Variants in SLC28A1 observed in about 807,000 individuals in gnomAD.
SLC28A1 encodes sodium/nucleoside cotransporter 1.
Under a neutral mutation model 74.8 loss-of-function variants are expected in SLC28A1, and 64 were observed. The observed-to-expected ratio is 0.86, with a 90% CI of 0.70 to 1.05. The LOEUF (loss-of-function observed/expected upper bound fraction) is 1.05, where lower values mean the gene tolerates loss of function less well. Among genes scored for constraint, SLC28A1 ranks in the 50% least tolerant of loss-of-function variants. SLC28A1 has a pLI of 0.00. For missense variants in SLC28A1, 828 were observed against 822.8 expected (o/e 1.01, Z -0.08); for synonymous variants, 359 against 335.0 (o/e 1.07, Z -0.78).
the SLC28A1 span, chr15:84,961,474 T>C: frequency 2.2e-6 from 1 of 453,388 alleles, no homozygotes; most frequent in South Asian, 1.6e-5. Context: ...TGGGACTACA[T>C]GTATGTGCCG....
At chr15:84,895,895 G>A in intron 6 of SLC28A1, 6 of 1,009,836 alleles carry the variant, frequency 5.9e-6, no homozygotes, top group Non-Finnish European at 7.1e-6. Context: ...GTACAGGGGT[G>A]CCTCTCACTT....
In SLC28A1 at chr15:84,904,254, G is replaced by A; in HGVS notation, c.603+16G>A. ...TCATTGCGCAGTGAGTGCTAGTTGT[G>A]GGGCCCAGGGCTGGAAGTGTTTGCC... On this transcript the variant is annotated intron_variant, in intron 7 of 18. Coordinates refer to ENST00000394573, the MANE Select transcript of SLC28A1 (RefSeq NM_004213.5). The A allele has an allele frequency of 6.2e-7, 1 of 1,613,276 alleles. No individual in the cohort carries two copies. The highest frequency in any genetic ancestry group is 8.5e-7 in the Non-Finnish European group (1 of 1,180,016).
chr15:84,923,660 G>A (rs1385072157), intron 11 of SLC28A1, among the ~76,000 whole-genome samples: 1 of 152,126 alleles, frequency 6.6e-6, no homozygotes, highest in African/African-American at 2.4e-5. Flanking sequence ...CCGAACCTCT[G>A]TTGCTCTCCT....
At chr15:84,946,707 C>T (rs143521448), downstream of SLC28A1, among the ~76,000 whole-genome samples, 272 of 152,204 alleles carry the variant, frequency 1.8e-3, no homozygotes, top group African/African-American at 6.1e-3. Context: ...TGATGGGTGG[C>T]CCGCCCTCAC....
At chr15:84,924,185 C>A in intron 12 of SLC28A1, 75 bp downstream of exon 12, 1 of 1,510,896 alleles carries the variant, frequency 6.6e-7, no homozygotes, top group Non-Finnish European at 9.1e-7. Context: ...CACACAGCTC[C>A]TGGCCAGAGC....
intron 5 of SLC28A1, among the ~76,000 whole-genome samples, chr15:84,892,710 A>G (rs1011368726): frequency 1.3e-5 from 2 of 152,172 alleles, no homozygotes; most frequent in African/African-American, 4.8e-5. Flanking sequence ...AATAGCTGTG[A>G]TAGAGAAATG....
chr15:84,973,129 T>G, the SLC28A1 span, among the ~76,000 whole-genome samples: 2 of 152,210 alleles, frequency 1.3e-5, no homozygotes, highest in Non-Finnish European at 2.9e-5. Context: ...TGTTTTCTGT[T>G]CTTAGCTATC....
intron 5 of SLC28A1, among the ~76,000 whole-genome samples, chr15:84,892,361 T>C (rs1012416245): frequency 1.3e-5 from 2 of 152,132 alleles, no homozygotes; most frequent in Admixed American, 6.5e-5. Context: ...GGTGGGTCCA[T>C]GTCCCTCACA....
chr15:84,951,445 A>AG, the SLC28A1 span, among the ~76,000 whole-genome samples: 4 of 121,940 alleles, frequency 3.3e-5, no homozygotes, highest in East Asian at 7.9e-4. Context: ...TAATTAAAAA[A>AG]AAAAAAAAGA....
chr15:84,928,921 C>A (rs1486675439), intron 12 of SLC28A1, among the ~76,000 whole-genome samples: 2 of 152,006 alleles, frequency 1.3e-5, no homozygotes, highest in African/African-American at 2.4e-5. Flanking sequence ...CTGCGCCCAG[C>A]CTCCAAGCTC....
At chr15:84,924,902 TTTTG>T (rs922389980) in intron 12 of SLC28A1, among the ~76,000 whole-genome samples, 8 of 144,900 alleles carry the variant, frequency 5.5e-5, no homozygotes, top group Non-Finnish European at 6.1e-5. Flanking sequence ...TATTAATTTT[TTTTG>T]TTTGTTTGTT....
Position 84,924,013 on chromosome 15 carries a change from A to T in SLC28A1, c.986A>T (p.Tyr329Phe). 1 of 1,614,022 alleles carries T rather than the reference A, an allele frequency of 6.2e-7. No individual in the cohort carries two copies. The highest frequency in any genetic ancestry group is 8.5e-7 in the Non-Finnish European group (1 of 1,180,010). ...GAGGCTCCATTACTGATCCGGCCCT[A>T]CTTGGCAGACATGACACTCTCTGAA... ...QTEAPLLIRP[Y>F]LADMTLSEVH... Residue 329 changes from tyrosine to phenylalanine, a missense_variant, in exon 12 of 19, where the codon TAC becomes TTC. Tyr to Phe is a conservative substitution (Grantham distance 22). Around this residue, in one of 3 missense-constraint regions of SLC28A1, gnomAD observed 767 missense variants for 753.5 expected, o/e 1.02. Transcript: ENST00000394573.
chr15:84,946,083 T>TGTGTGTGTATATATATATA (rs1321419859), downstream of SLC28A1, among the ~76,000 whole-genome samples: 1 of 36,224 alleles, frequency 2.8e-5, no homozygotes, highest in East Asian at 1.0e-3. Context: ...TGTGTGTATG[T>TGTGTGTGTATATATATATA]TCATATATAT....
Position 84,945,566 on chromosome 15 carries a change from A to C in SLC28A1, c.*366A>C. The C allele has an allele frequency of 3.1e-6, 1 of 323,492 alleles. No homozygotes were observed. The highest frequency in any genetic ancestry group is 6.0e-6 in the Non-Finnish European group (1 of 166,174). The allele number at this position is 323,492 out of a possible 1,614,324, so 20.0% of individuals were successfully genotyped here. A position where few individuals can be genotyped will look rare whatever the true frequency, so the allele number is the denominator to read the frequency against. ...CCTTCCCTTCTGTTGTGGGCTGCAC[A>C]CCAAAGCCTCCTCCCCTCCCCACTT... On this transcript the variant is annotated 3_prime_UTR_variant, in exon 19 of 19. Coordinates refer to ENST00000394573, the MANE Select transcript of SLC28A1 (RefSeq NM_004213.5).
At position 84,918,730 on chromosome 15, in the gene SLC28A1, C is replaced by A. The variant is rs1969441904; in HGVS notation, c.876+126C>A. On this transcript the variant is annotated intron_variant, in intron 10 of 18. Coordinates refer to ENST00000394573, the MANE Select transcript of SLC28A1 (RefSeq NM_004213.5). ...AGACACACTGCTCCCCAAGCCCACACCCTTCCAGAGTCCCCTGTTCCCAGT... is the reference window on the plus strand; with the variant it reads ...AGACACACTGCTCCCCAAGCCCACAACCTTCCAGAGTCCCCTGTTCCCAGT... The A allele has an allele frequency of 5.1e-6, 4 of 785,464 alleles. No individual in the cohort carries two copies. The Admixed American group carries it at 7.2e-5, about 14-fold the overall frequency. The allele number at this position is 785,464 out of a possible 1,614,324, so 48.7% of individuals were successfully genotyped here.
In SLC28A1 at chr15:84,886,657, C is replaced by G; in HGVS notation, c.-132-15C>G. The G allele has an allele frequency of 1.0e-6, 1 of 985,528 alleles. No individual in the cohort carries two copies. The highest frequency in any genetic ancestry group is 1.2e-6 in the Non-Finnish European group (1 of 829,962). 61.0% of individuals were successfully genotyped at this position (985,528 alleles called of 1,614,324 possible). On this transcript the variant is annotated splice_polypyrimidine_tract_variant and intron_variant, in intron 1 of 18. Transcript: ENST00000394573. ...GTGGCAGGCCCAACCTACTCCGACC[C>G]TGGACTCTGCCCAGGAATTTCTGCT... is the stretch of plus-strand genomic sequence containing the variant.
the SLC28A1 span, among the ~76,000 whole-genome samples, chr15:84,965,952 A>G: frequency 6.6e-6 from 1 of 151,282 alleles, no homozygotes; most frequent in African/African-American, 2.5e-5. Context: ...CATTGATTTT[A>G]GGTTACTCAA....
At chr15:84,895,513 A>G in intron 6 of SLC28A1, 1 of 1,572,174 alleles carries the variant, frequency 6.4e-7, no homozygotes, top group Non-Finnish European at 8.6e-7. Context: ...AGGTGCTGGT[A>G]TTTTTCATTA....
the SLC28A1 span, among the ~76,000 whole-genome samples, chr15:84,952,672 G>A: frequency 3.3e-5 from 5 of 152,122 alleles, no homozygotes; most frequent in Non-Finnish European, 7.3e-5. Flanking sequence ...AATCGCTTGA[G>A]CCCGGGAGTT....
Sources: gnomAD v4.1 joint callset for allele counts (sites outside exome capture counted in the v4.1 genomes callset) on GRCh38, gnomAD v4.1.1 for gene constraint, gnomAD v4.1.1 regional missense constraint, MANE v1.5 for transcripts, NCBI Gene and HGNC (gene_info 2026-07-23, HGNC 2026-07-21) for gene names.